The following SGCZ variants were observed in gnomAD, a reference collection of about 807,000 sequenced individuals.
SGCZ encodes the protein zeta-sarcoglycan.
Under a neutral mutation model 41.3 loss-of-function variants are expected in SGCZ, and 40 were observed. The ratio of observed to expected loss-of-function variants is 0.97; its 90% CI spans 0.75 to 1.26. The LOEUF (loss-of-function observed/expected upper bound fraction) is 1.26. SGCZ is among the 50% of genes most tolerant of loss of function. SGCZ has a pLI of 0.00. For synonymous variants in SGCZ, 206 were observed against 137.5 expected (o/e 1.50, Z -3.49); for missense variants, 552 against 369.8 (o/e 1.49, Z -4.04).
At chr8:15,175,211 A>G (rs114580972) in intron 1 of SGCZ, among the ~76,000 whole-genome samples, 2,070 of 152,302 alleles carry the variant, frequency 0.014, 49 homozygotes, top group African/African-American at 0.047. Flanking sequence ...AAATCATTCT[A>G]TTGTAAAGAC....
At chr8:15,110,954 A>T (rs1378030910) in intron 1 of SGCZ, among the ~76,000 whole-genome samples, 1 of 152,172 alleles carries the variant, frequency 6.6e-6, no homozygotes, top group Non-Finnish European at 1.5e-5. Context: ...GGCAAAAAAA[A>T]GTGAAACTCC....
At chr8:14,941,053 A>C (rs1471688928) in intron 1 of SGCZ, among the ~76,000 whole-genome samples, 1 of 152,172 alleles carries the variant, frequency 6.6e-6, no homozygotes, top group African/African-American at 2.4e-5. Context: ...ATAGACAGGC[A>C]ACAAATACCA....
At chr8:14,720,927 T>A (rs1809865623) in intron 1 of SGCZ, among the ~76,000 whole-genome samples, 1 of 152,060 alleles carries the variant, frequency 6.6e-6, no homozygotes, top group East Asian at 1.9e-4. Context: ...TTTTTTAATT[T>A]TTTTTATGAT....
intron 1 of SGCZ, among the ~76,000 whole-genome samples, chr8:15,122,952 G>A (rs555031601): frequency 6.6e-6 from 1 of 152,250 alleles, no homozygotes; most frequent in African/African-American, 2.4e-5. Context: ...AGCTTTCAAT[G>A]TGAGTCATAT....
chr8:14,573,644 C>G (rs1804626338), intron 1 of SGCZ, among the ~76,000 whole-genome samples: 1 of 152,054 alleles, frequency 6.6e-6, no homozygotes, highest in Non-Finnish European at 1.5e-5. Context: ...TTTCTGTTCT[C>G]TTATGGCAGG....
chr8:14,869,866 T>G (rs1382031033), intron 1 of SGCZ, among the ~76,000 whole-genome samples: 1 of 151,992 alleles, frequency 6.6e-6, no homozygotes, highest in East Asian at 1.9e-4. Flanking sequence ...GGAATCCAAC[T>G]TACAAGGAAT....
intron 1 of SGCZ, among the ~76,000 whole-genome samples, chr8:15,122,242 C>T (rs184676599): frequency 2.2e-4 from 34 of 151,520 alleles, no homozygotes; most frequent in African/African-American, 7.5e-4. Flanking sequence ...GTAGTGAAGT[C>T]AAGAAAGGCT....
chr8:15,026,806 A>G (rs1198169372), intron 1 of SGCZ, among the ~76,000 whole-genome samples: 1 of 152,200 alleles, frequency 6.6e-6, no homozygotes, highest in African/African-American at 2.4e-5. Context: ...CTAGCTTTTA[A>G]AGAAAGCCCA....
intron 1 of SGCZ, among the ~76,000 whole-genome samples, chr8:15,034,763 A>G (rs1803811694): frequency 6.8e-6 from 1 of 147,674 alleles, no homozygotes; most frequent in Admixed American, 7.0e-5. Context: ...CAAGCACTGA[A>G]CTTTCCAGCA....
chr8:14,966,606 AT>A, intron 1 of SGCZ, among the ~76,000 whole-genome samples: 1 of 152,202 alleles, frequency 6.6e-6, no homozygotes, highest in South Asian at 2.1e-4. Flanking sequence ...ACTAATTTCC[AT>A]TTAGAAATCC....
chr8:14,601,074 A>C (rs1334459581), intron 1 of SGCZ, among the ~76,000 whole-genome samples: 1 of 150,512 alleles, frequency 6.6e-6, no homozygotes, highest in Non-Finnish European at 1.5e-5. Flanking sequence ...TTATATAAAT[A>C]TTCTATACAT....
intron 1 of SGCZ, among the ~76,000 whole-genome samples, chr8:15,005,457 G>C (rs6984168): frequency 0.017 from 2,502 of 149,672 alleles, 81 homozygotes; most frequent in East Asian, 0.16. Flanking sequence ...TCAGCCTCCC[G>C]AGTAGCTGCC....
At chr8:14,626,038 G>A (rs1806443123) in intron 1 of SGCZ, among the ~76,000 whole-genome samples, 1 of 152,196 alleles carries the variant, frequency 6.6e-6, no homozygotes, top group African/African-American at 2.4e-5. Flanking sequence ...GACATATGAG[G>A]AATAGTGGCT....
At chr8:14,129,813 A>C (rs1229897965) in intron 5 of SGCZ, among the ~76,000 whole-genome samples, 1 of 152,158 alleles carries the variant, frequency 6.6e-6, no homozygotes, top group Non-Finnish European at 1.5e-5. Context: ...TGAAAATGAC[A>C]AAACATTGCC....
intron 1 of SGCZ, among the ~76,000 whole-genome samples, chr8:14,933,205 A>G (rs1414439953): frequency 1.3e-5 from 2 of 151,916 alleles, no homozygotes; most frequent in African/African-American, 4.9e-5. Context: ...CCATGTAACA[A>G]ATCTGCATAT....
intron 1 of SGCZ, among the ~76,000 whole-genome samples, chr8:14,651,963 C>G (rs1480500410): frequency 3.3e-5 from 5 of 150,996 alleles, no homozygotes; most frequent in Non-Finnish European, 3.0e-5. Flanking sequence ...AAAAAGCAAA[C>G]AAAAAAAACG....
chr8:14,983,374 AT>A (rs1038753546), intron 1 of SGCZ, among the ~76,000 whole-genome samples: 5 of 147,490 alleles, frequency 3.4e-5, no homozygotes, highest in African/African-American at 5.0e-5. Flanking sequence ...ATGTATTTTT[AT>A]TTTTTTTTAT....
chr8:14,478,999 G>A (rs1188300984), intron 2 of SGCZ, among the ~76,000 whole-genome samples: 1 of 152,142 alleles, frequency 6.6e-6, no homozygotes, highest in African/African-American at 2.4e-5. Context: ...ACTGTGACTA[G>A]GTCCTGTCTC....
At chr8:14,287,728 G>A (rs1326900392) in intron 3 of SGCZ, among the ~76,000 whole-genome samples, 1 of 151,904 alleles carries the variant, frequency 6.6e-6, no homozygotes, top group African/African-American at 2.4e-5. Flanking sequence ...TCCCCGATTG[G>A]ATTCAGCTGT....
Sources: allele counts gnomAD v4.1 joint callset (sites outside exome capture counted in the v4.1 genomes callset), GRCh38; gene constraint gnomAD v4.1.1; transcripts MANE v1.5; gene names NCBI Gene and HGNC (gene_info 2026-07-23, HGNC 2026-07-21).